Variants in MYBL1 observed in about 807,000 individuals in gnomAD.
MYBL1 encodes the protein myb-related protein A.
Under a neutral mutation model 96.3 loss-of-function variants are expected in MYBL1, and 17 were observed. The ratio of observed to expected loss-of-function variants is 0.18; its 90% confidence interval spans 0.12 to 0.26. The LOEUF is 0.26. Among genes scored for constraint, MYBL1 ranks in the 10% least tolerant of loss-of-function variants. The pLI is 1.00. For missense variants in MYBL1, 701 were observed against 882.9 expected (o/e 0.79, Z 2.61); for synonymous variants, 282 against 292.7 (o/e 0.96, Z 0.37).
chr8:66,578,172 A>G (rs1809044531), intron 9 of MYBL1, among the ~76,000 whole-genome samples: 1 of 152,254 alleles, frequency 6.6e-6, no homozygotes, highest in African/African-American at 2.4e-5. Context: ...AGGCATGGAC[A>G]AGGACTTCAT....
chr8:66,604,535 C>G (rs1050570472), intron 1 of MYBL1, among the ~76,000 whole-genome samples: 4 of 151,626 alleles, frequency 2.6e-5, no homozygotes, highest in Non-Finnish European at 5.9e-5. Flanking sequence ...AGATGGTGTC[C>G]TACTTTACAA....
At position 66,562,744 on chromosome 8, in the gene MYBL1, T is replaced by C. The variant is rs1222616084; in HGVS notation, c.*1953A>G. ...TCAAGGTAACTGAAATGATCCAGTATGAGTTTGCTACAATCATTGGTTTCA... is the reference window on the plus strand; with the variant it reads ...TCAAGGTAACTGAAATGATCCAGTACGAGTTTGCTACAATCATTGGTTTCA... On this transcript the variant is annotated 3_prime_UTR_variant, in exon 16 of 16. Transcript: ENST00000522677. 2 of 152,522 alleles carry C rather than the reference T, an allele frequency of 1.3e-5. No homozygotes were observed. The highest frequency in any genetic ancestry group is 1.3e-4 in the Admixed American group (2 of 15,258). 9.4% of individuals were successfully genotyped at this position (152,522 alleles called of 1,614,324 possible). A position where few individuals can be genotyped will look rare whatever the true frequency, so the allele number is the denominator to read the frequency against.
Position 66,572,549 on chromosome 8 carries a change from C to G in MYBL1, c.1661G>C (p.Arg554Thr). ...IRRSILGTTP[R>T]TPTPFKNALA... ...CGCATTCTTAAAAGGAGTAGGAGTT[C>G]TTGGTGTGGTACCCAGTATAGATCT... Residue 554 changes from arginine to threonine, a missense_variant, in exon 12 of 16, where the codon AGA (arginine) becomes ACA (threonine). Arg to Thr is a moderately conservative substitution (Grantham distance 71). Transcript: ENST00000522677. The G allele has an allele frequency of 6.2e-7, 1 of 1,604,056 alleles. No individual in the cohort carries two copies. The highest frequency in any genetic ancestry group is 8.5e-7 in the Non-Finnish European group (1 of 1,173,420).
At chr8:66,570,665 A>G (rs1275011346) in intron 12 of MYBL1, among the ~76,000 whole-genome samples, 1 of 152,200 alleles carries the variant, frequency 6.6e-6, no homozygotes, top group Non-Finnish European at 1.5e-5. Flanking sequence ...TAGGCACTCA[A>G]TCAATATTTG....
chr8:66,604,874 TAGA>T (rs992692009), intron 1 of MYBL1, among the ~76,000 whole-genome samples: 2 of 152,080 alleles, frequency 1.3e-5, no homozygotes, highest in Non-Finnish European at 1.5e-5. Flanking sequence ...TGGAAAATGA[TAGA>T]AGGAGAAACA....
At chr8:66,571,122 G>A (rs1398475356) in intron 12 of MYBL1, among the ~76,000 whole-genome samples, 1 of 152,108 alleles carries the variant, frequency 6.6e-6, no homozygotes, top group Admixed American at 6.6e-5. Flanking sequence ...AAAAAACCCT[G>A]GAAGTTACCA....
intron 10 of MYBL1, 39 bp downstream of exon 10, chr8:66,575,968 A>G: frequency 6.4e-7 from 1 of 1,569,786 alleles, no homozygotes; most frequent in Middle Eastern, 1.7e-4. Context: ...AATGTAACTC[A>G]TTGACATTTA....
intron 8 of MYBL1, among the ~76,000 whole-genome samples, chr8:66,585,556 C>A (rs1809383631): frequency 6.6e-6 from 1 of 152,150 alleles, no homozygotes; most frequent in Non-Finnish European, 1.5e-5. Flanking sequence ...GCCTGGCCAA[C>A]ATGGTGAAAC....
At position 66,562,301 on chromosome 8, in the gene MYBL1, TG is replaced by T. The variant is rs1808365610; in HGVS notation, c.*2395del. 1 of 152,654 alleles carries T rather than the reference TG, an allele frequency of 6.6e-6. No individual in the cohort carries two copies. 9.5% of individuals were successfully genotyped at this position (152,654 alleles called of 1,614,324 possible). A position where few individuals can be genotyped will look rare whatever the true frequency, so the allele number is the denominator to read the frequency against. On this transcript the variant is annotated 3_prime_UTR_variant, in exon 16 of 16. Coordinates refer to ENST00000522677, the MANE Select transcript of MYBL1 (RefSeq NM_001080416.4). Reference sequence around the variant, plus strand: ...AGTCAGGGTAATTGCTGTATTAATGTGAAAACCTTACAATAAAATGCAGTAT... The same window carrying T: ...AGTCAGGGTAATTGCTGTATTAATGTAAAACCTTACAATAAAATGCAGTAT...
At chr8:66,611,398 T>C (rs544618751) in intron 1 of MYBL1, among the ~76,000 whole-genome samples, 8 of 152,330 alleles carry the variant, frequency 5.3e-5, no homozygotes, top group African/African-American at 1.9e-4. Flanking sequence ...TTTCTGAAGA[T>C]TGATGTTAAT....
intron 5 of MYBL1, among the ~76,000 whole-genome samples, chr8:66,597,063 T>C (rs932536167): frequency 6.6e-6 from 1 of 152,178 alleles, no homozygotes; most frequent in Non-Finnish European, 1.5e-5. Flanking sequence ...AACATGATTT[T>C]AGGAGTGTAT....
chr8:66,592,576 A>G (rs1809692241), intron 7 of MYBL1, 32 bp from the exon 8 acceptor site: 1 of 1,256,738 alleles, frequency 8.0e-7, no homozygotes, highest in Admixed American at 2.2e-5. Flanking sequence ...AGAAAACAGG[A>G]TGCTTATATA....
At position 66,562,332 on chromosome 8, in the gene MYBL1, T is replaced by C. The variant is rs1808366472; in HGVS notation, c.*2365A>G. On this transcript the variant is annotated 3_prime_UTR_variant, in exon 16 of 16. Transcript: ENST00000522677. ...CCTTACAATAAAATGCAGTATTATG[T>C]ATGTGTAGTCAGTTTCCATGCAAGT... 1 of 152,644 alleles carries C rather than the reference T, an allele frequency of 6.6e-6. No homozygotes were observed. Among genetic ancestry groups the C allele is most frequent in the Admixed American group, 6.5e-5 (1 of 15,276 alleles). The allele number at this position is 152,644 out of a possible 1,614,324, so 9.5% of individuals were successfully genotyped here. A position where few individuals can be genotyped will look rare whatever the true frequency, so the allele number is the denominator to read the frequency against.
intron 8 of MYBL1, among the ~76,000 whole-genome samples, chr8:66,590,720 G>C (rs1305012629): frequency 1.3e-5 from 2 of 151,696 alleles, no homozygotes; most frequent in African/African-American, 2.4e-5. Context: ...AAATAATAAG[G>C]CTCAAGGCAT....
Position 66,599,031 on chromosome 8 carries a change from AAGAATATGAAC to A in MYBL1, c.291+8_291+18del, listed in dbSNP as rs746921350. 4.7e-6 allele frequency: 7 copies of A among 1,484,256 alleles called. No individual in the cohort carries two copies. The highest frequency in any genetic ancestry group is 1.4e-5 in the African/African-American group (1 of 69,748). 91.9% of individuals were successfully genotyped at this position (1,484,256 alleles called of 1,614,324 possible). ...CTAGTCTACCTACATAGTGAATATA[AAGAATATGAAC>A]ACATTACCCTCTGATCTTCTTCTTT... On this transcript the variant is annotated splice_region_variant and intron_variant, in intron 4 of 15. Transcript: ENST00000522677.
rs1454426465 is a variant in MYBL1, at chr8:66,593,180, C to T, written c.702G>A (p.Gln234=). The change falls in exon 7 of 16, where the codon CAG becomes CAA. Residue 234 remains glutamine (Q), a synonymous_variant. Coordinates refer to ENST00000522677, the MANE Select transcript of MYBL1 (RefSeq NM_001080416.4). The part of the protein sequence containing the change: ...FYIPVQIPGY[Q]YVSPEGNCIE... ...TACAATTGCCTTCAGGTGACACATA[C>T]TGATACCCAGGGATCTAAAAAGTAA... 1 of 1,580,424 alleles carries T rather than the reference C, an allele frequency of 6.3e-7. No homozygotes were observed. The highest frequency in any genetic ancestry group is 8.6e-7 in the Non-Finnish European group (1 of 1,158,592).
At chr8:66,595,785 AG>A in intron 5 of MYBL1, 28 bp from the exon 6 acceptor site, 1 of 1,403,072 alleles carries the variant, frequency 7.1e-7, no homozygotes, top group Admixed American at 2.9e-5. Context: ...TGATTTAAAA[AG>A]AAAAAAGGAT....
At chr8:66,591,665 T>C (rs1809650804) in intron 8 of MYBL1, among the ~76,000 whole-genome samples, 1 of 152,048 alleles carries the variant, frequency 6.6e-6, no homozygotes, top group Admixed American at 6.6e-5. Flanking sequence ...ACTCATATTC[T>C]AAATCTAGTA....
chr8:66,589,671 A>G (rs1041726562), intron 8 of MYBL1, among the ~76,000 whole-genome samples: 17 of 151,840 alleles, frequency 1.1e-4, no homozygotes, highest in Admixed American at 3.3e-4. Context: ...TTTTGTAGAG[A>G]TGGGGTCTCA....
Sources: allele counts gnomAD v4.1 joint callset (sites outside exome capture counted in the v4.1 genomes callset), GRCh38; gene constraint gnomAD v4.1.1; transcripts MANE v1.5; gene names NCBI Gene and HGNC (gene_info 2026-07-23, HGNC 2026-07-21).